Variants in FBXL20 observed in about 807,000 individuals in gnomAD.
FBXL20 encodes the protein F-box/LRR-repeat protein 20.
Under a neutral mutation model 64.0 loss-of-function variants are expected in FBXL20, and 11 were observed. The observed-to-expected ratio is 0.17, with a 90% confidence interval of 0.11 to 0.28. The LOEUF is 0.28. FBXL20 is among the 10% of genes least tolerant of loss of function. The pLI is 1.00. For missense variants in FBXL20, 303 were observed against 526.2 expected (o/e 0.58, Z 4.15); for synonymous variants, 184 against 189.0 (o/e 0.97, Z 0.22).
At chr17:39,373,692 A>T (rs909921943) in intron 1 of FBXL20, among the ~76,000 whole-genome samples, 2 of 152,102 alleles carry the variant, frequency 1.3e-5, no homozygotes, top group Non-Finnish European at 1.5e-5. Flanking sequence ...ACAAAGCTTC[A>T]ATTTTGTCTT....
At chr17:39,361,180 A>C (rs1024845982) in intron 1 of FBXL20, among the ~76,000 whole-genome samples, 3 of 152,056 alleles carry the variant, frequency 2.0e-5, no homozygotes, top group African/African-American at 7.2e-5. Flanking sequence ...ACCATAATGA[A>C]ACCATGGGAA....
At chr17:39,347,360 C>A (rs199549640) in intron 1 of FBXL20, among the ~76,000 whole-genome samples, 1 of 152,072 alleles carries the variant, frequency 6.6e-6, no homozygotes, top group African/African-American at 2.4e-5. Context: ...TGTTGTTTCC[C>A]GACTTTTTAA....
intron 1 of FBXL20, among the ~76,000 whole-genome samples, chr17:39,348,267 C>T (rs2047653471): frequency 1.3e-5 from 2 of 152,048 alleles, no homozygotes; most frequent in Non-Finnish European, 2.9e-5. Context: ...TGGAGACCAT[C>T]CTGGCCAACA....
At chr17:39,278,340 T>C (rs926971412) in intron 9 of FBXL20, among the ~76,000 whole-genome samples, 4 of 152,072 alleles carry the variant, frequency 2.6e-5, no homozygotes, top group African/African-American at 7.2e-5. Context: ...GAGATGGGGT[T>C]TCACCATATT....
chr17:39,352,187 G>A (rs1342984155), intron 1 of FBXL20, among the ~76,000 whole-genome samples: 1 of 152,032 alleles, frequency 6.6e-6, no homozygotes. Flanking sequence ...ACTTCAGGAG[G>A]CTCTAAAACC....
chr17:39,401,097 G>A (rs1454027749), intron 1 of FBXL20, among the ~76,000 whole-genome samples: 1 of 152,244 alleles, frequency 6.6e-6, no homozygotes, highest in Non-Finnish European at 1.5e-5. Flanking sequence ...CGATCCTGGA[G>A]GAGGGTGGAA....
At position 39,361,452 on chromosome 17, in the gene FBXL20, T is replaced by C. The variant is rs116125667; in HGVS notation, c.43-18211A>G. Among the ~76,000 whole-genome samples the C allele has an allele frequency of 3.3e-3, 498 of 152,236 alleles. 2 individuals carry two copies. Among genetic ancestry groups the C allele is most frequent in the African/African-American group, 0.011 (477 of 41,570 alleles). On this transcript the variant is annotated intron_variant, in intron 1 of 14. Transcript: ENST00000264658. Reference sequence around the variant, plus strand: ...GCCTAGAATTTGCTGGATTGGAAAATAAAACTTCCTCATCTTCTGTCTCTG... The same window carrying C: ...GCCTAGAATTTGCTGGATTGGAAAACAAAACTTCCTCATCTTCTGTCTCTG...
At chr17:39,358,551 C>T (rs530912808) in intron 1 of FBXL20, among the ~76,000 whole-genome samples, 3 of 152,086 alleles carry the variant, frequency 2.0e-5, no homozygotes, top group Non-Finnish European at 4.4e-5. Flanking sequence ...GGCGTGGTGG[C>T]GTACGCCTGT....
chr17:39,331,408 TG>T (rs2047460140), intron 2 of FBXL20, among the ~76,000 whole-genome samples: 2 of 152,208 alleles, frequency 1.3e-5, no homozygotes, highest in African/African-American at 4.8e-5. Context: ...GCCTAATTTT[TG>T]TATTTTTTTG....
intron 12 of FBXL20, among the ~76,000 whole-genome samples, chr17:39,268,272 G>C (rs531613830): frequency 2.2e-4 from 33 of 152,284 alleles, no homozygotes; most frequent in African/African-American, 7.9e-4. Context: ...AGAATTGCTT[G>C]AATCTGGGAG....
chr17:39,357,829 G>A (rs976393722), intron 1 of FBXL20, among the ~76,000 whole-genome samples: 77 of 152,236 alleles, frequency 5.1e-4, no homozygotes, highest in Non-Finnish European at 9.3e-4. Context: ...GTACCATAGC[G>A]TTTCATTTCA....
intron 10 of FBXL20, among the ~76,000 whole-genome samples, chr17:39,271,964 G>C (rs948185625): frequency 3.3e-5 from 5 of 152,096 alleles, no homozygotes; most frequent in Non-Finnish European, 2.9e-5. Flanking sequence ...ATGAGAAATG[G>C]ATGGCGGGGT....
At chr17:39,343,115 A>C (rs1439793542) in intron 2 of FBXL20, 65 bp downstream of exon 2, 10 of 1,279,298 alleles carry the variant, frequency 7.8e-6, no homozygotes, top group Non-Finnish European at 1.1e-5. Context: ...AAAAGTTAAA[A>C]AATTTTAAAC....
intron 2 of FBXL20, among the ~76,000 whole-genome samples, chr17:39,335,168 AAAGT>A (rs1426011632): frequency 2.0e-5 from 3 of 152,154 alleles, no homozygotes; most frequent in African/African-American, 7.2e-5. Context: ...TGTTCCTTAA[AAAGT>A]AAGAAATGAT....
At chr17:39,275,139 T>C (rs748099344) in intron 9 of FBXL20, 39 bp from the exon 10 acceptor site, 1 of 1,563,638 alleles carries the variant, frequency 6.4e-7, no homozygotes, top group Admixed American at 2.1e-5. Flanking sequence ...GATATTAGTA[T>C]CTTAGCAAAA....
At chr17:39,377,285 GGACAGCTTC>G (rs957345317) in intron 1 of FBXL20, among the ~76,000 whole-genome samples, 2 of 151,878 alleles carry the variant, frequency 1.3e-5, no homozygotes, top group African/African-American at 4.8e-5. Context: ...CAGTGCAAGA[GGACAGCTTC>G]GACTCCCTAT....
At chr17:39,372,364 C>G (rs531132376) in intron 1 of FBXL20, among the ~76,000 whole-genome samples, 1 of 151,104 alleles carries the variant, frequency 6.6e-6, no homozygotes, top group South Asian at 2.1e-4. Flanking sequence ...ACTTAAAATA[C>G]AGAAATTAGC....
chr17:39,280,272 A>G (rs1482881778), intron 9 of FBXL20, among the ~76,000 whole-genome samples: 1 of 150,664 alleles, frequency 6.6e-6, no homozygotes, highest in Non-Finnish European at 1.5e-5. Context: ...GCATGGTGAC[A>G]CACACTTGCA....
intron 2 of FBXL20, among the ~76,000 whole-genome samples, chr17:39,337,650 T>C (rs1458572958): frequency 6.8e-6 from 1 of 147,618 alleles, no homozygotes; most frequent in African/African-American, 2.5e-5. Flanking sequence ...GTCTGAGAAA[T>C]GAGGAGACCC....
Sources: allele counts gnomAD v4.1 joint callset (sites outside exome capture counted in the v4.1 genomes callset), GRCh38; gene constraint gnomAD v4.1.1; transcripts MANE v1.5; gene names NCBI Gene and HGNC (gene_info 2026-07-23, HGNC 2026-07-21).